The following TMED10 variants were observed in gnomAD, a reference collection of about 807,000 sequenced individuals.
TMED10 encodes transmembrane emp24 domain-containing protein 10.
TMED10 carries 7 observed loss-of-function variants against 23.1 expected under a neutral mutation model. The ratio of observed to expected loss-of-function variants is 0.30; its 90% CI spans 0.17 to 0.57. TMED10 has a LOEUF of 0.57. TMED10 is among the 20% of genes least tolerant of loss of function. TMED10 has a pLI of 0.91. For synonymous variants in TMED10, 113 were observed against 106.9 expected (o/e 1.06, Z -0.35); for missense variants, 162 against 274.8 (o/e 0.59, Z 2.90).
At chr14:75,162,099 T>C (rs1385590375) in intron 1 of TMED10, among the ~76,000 whole-genome samples, 1 of 152,094 alleles carries the variant, frequency 6.6e-6, no homozygotes, top group Admixed American at 6.5e-5. Context: ...ACCCCATCTC[T>C]ACTAAAAATA....
In TMED10 at chr14:75,156,956, G is replaced by GAAAAGAA. The variant is rs1313962678; in HGVS notation, c.226-4814_226-4813insTTCTTTT. Reference sequence around the variant, plus strand: ...GAAAAGAAAAGAAAAGAAAAGAAAAGAAAAACTATCTCAAGGAAAAACAAA... The same window carrying GAAAAGAA: ...GAAAAGAAAAGAAAAGAAAAGAAAAGAAAAGAAAAAAACTATCTCAAGGAAAAACAAA... On this transcript the variant is annotated intron_variant, in intron 1 of 4. Coordinates refer to ENST00000303575, the MANE Select transcript of TMED10 (RefSeq NM_006827.6). 3.3e-5 allele frequency among the ~76,000 whole-genome samples: 5 copies of GAAAAGAA among 151,052 alleles called. No individual in the cohort carries two copies. The South Asian group carries it at 8.4e-4, about 25-fold the overall frequency.
chr14:75,138,542 A>C (rs1331763194), intron 3 of TMED10, among the ~76,000 whole-genome samples: 4 of 152,244 alleles, frequency 2.6e-5, no homozygotes. Context: ...AACAAAAAAA[A>C]ATTCCTCAAG....
chr14:75,144,525 GGATT>G (rs1428242092), intron 3 of TMED10, among the ~76,000 whole-genome samples: 1 of 152,062 alleles, frequency 6.6e-6, no homozygotes, highest in Non-Finnish European at 1.5e-5. Context: ...AATTTCACAT[GGATT>G]AATTAATAAC....
chr14:75,143,933 C>CA (rs5809695), intron 3 of TMED10, among the ~76,000 whole-genome samples: 106,244 of 126,172 alleles, frequency 0.84, 45,783 homozygotes, highest in East Asian at 0.96. Flanking sequence ...TACTCTGTCT[C>CA]AAAAAAAAAA....
intron 3 of TMED10, among the ~76,000 whole-genome samples, chr14:75,146,406 A>G (rs2139838984): frequency 6.6e-6 from 1 of 152,346 alleles, no homozygotes; most frequent in East Asian, 1.9e-4. Flanking sequence ...ATTTTCCTAA[A>G]TCACTTAAAC....
chr14:75,147,749 A>C lies in TMED10; in HGVS notation c.338-12T>G. On this transcript the variant is annotated splice_polypyrimidine_tract_variant and intron_variant, in intron 2 of 4. Transcript: ENST00000303575. ...TATCCGCCCTGTTCCTGAGAAAGAA[A>C]TCAAAGGAATCATTGTGTGAAATAC... 2 of 1,613,984 alleles carry C rather than the reference A, an allele frequency of 1.2e-6. No individual in the cohort carries two copies. Among genetic ancestry groups the C allele is most frequent in the Non-Finnish European group, 1.7e-6 (2 of 1,179,982 alleles).
At chr14:75,171,586 T>C (rs1051564599) in intron 1 of TMED10, among the ~76,000 whole-genome samples, 5 of 152,118 alleles carry the variant, frequency 3.3e-5, no homozygotes, top group Non-Finnish European at 5.9e-5. Context: ...AGCCTGGCTT[T>C]AAAGATGGAG....
At position 75,132,014 on chromosome 14, in the gene TMED10, A is replaced by G. The variant is rs1895691390; in HGVS notation, c.*2871T>C. On this transcript the variant is annotated 3_prime_UTR_variant, in exon 5 of 5. Coordinates refer to ENST00000303575, the MANE Select transcript of TMED10 (RefSeq NM_006827.6). Reference sequence around the variant, plus strand: ...AGAGTAGCTTTCGTTGCTCCTAAAAAGGGGAAAGGCACCAGTCAGAAATAG... The same window carrying G: ...AGAGTAGCTTTCGTTGCTCCTAAAAGGGGGAAAGGCACCAGTCAGAAATAG... 1 of 152,664 alleles carries G rather than the reference A, an allele frequency of 6.6e-6. No homozygotes were observed. Among genetic ancestry groups the G allele is most frequent in the South Asian group, 2.1e-4 (1 of 4,834 alleles). The allele number at this position is 152,664 out of a possible 1,614,324, so 9.5% of individuals were successfully genotyped here.
chr14:75,149,811 G>T (rs1465998401), intron 2 of TMED10, among the ~76,000 whole-genome samples: 7 of 148,686 alleles, frequency 4.7e-5, no homozygotes, highest in Admixed American at 6.7e-5. Context: ...AGACAGTAAA[G>T]AACTTCTTTT....
At chr14:75,157,698 G>T (rs962272279) in intron 1 of TMED10, among the ~76,000 whole-genome samples, 3 of 152,056 alleles carry the variant, frequency 2.0e-5, no homozygotes, top group Non-Finnish European at 2.9e-5. Context: ...CAGCACTTTT[G>T]GGAGGCCGAG....
At position 75,166,428 on chromosome 14, in the gene TMED10, C is replaced by G. The variant is rs370986326; in HGVS notation, c.225+9927G>C. On this transcript the variant is annotated intron_variant, in intron 1 of 4. Coordinates refer to ENST00000303575, the MANE Select transcript of TMED10 (RefSeq NM_006827.6). ...AGTCAGCAATTCACACAAGAAACAG[C>G]ATAGAAGTCACTGCACCCCTACTGG... 3.5e-4 allele frequency among the ~76,000 whole-genome samples: 54 copies of G among 152,290 alleles called. No individual in the cohort carries two copies. The South Asian group carries it at 7.7e-3, about 22-fold the overall frequency.
chr14:75,167,800 A>G (rs1896183764), intron 1 of TMED10, among the ~76,000 whole-genome samples: 1 of 152,114 alleles, frequency 6.6e-6, no homozygotes, highest in Non-Finnish European at 1.5e-5. Context: ...AGCTATGATC[A>G]TGCCACTGCA....
chr14:75,146,559 A>G (rs1023460420), intron 3 of TMED10, among the ~76,000 whole-genome samples: 11 of 152,146 alleles, frequency 7.2e-5, no homozygotes, highest in African/African-American at 2.7e-4. Flanking sequence ...ATCTAGTCTT[A>G]AATAGTTCTT....
intron 1 of TMED10, among the ~76,000 whole-genome samples, chr14:75,171,383 G>C (rs1388055455): frequency 6.6e-6 from 1 of 151,746 alleles, no homozygotes; most frequent in African/African-American, 2.4e-5. Flanking sequence ...AGGTTCAAGC[G>C]ATTCCCCTGC....
chr14:75,170,919 G>C (rs955388104), intron 1 of TMED10, among the ~76,000 whole-genome samples: 14 of 152,096 alleles, frequency 9.2e-5, no homozygotes, highest in African/African-American at 3.1e-4. Context: ...TAAGTGAAAG[G>C]TTAATGGGAA....
At position 75,132,987 on chromosome 14, in the gene TMED10, A is replaced by G. The variant is rs938214648; in HGVS notation, c.*1898T>C. The G allele has an allele frequency of 3.9e-5, 6 of 152,180 alleles. No homozygotes were observed. Among genetic ancestry groups the G allele is most frequent in the African/African-American group, 1.4e-4 (6 of 41,434 alleles). The allele number at this position is 152,180 out of a possible 1,614,324, so 9.4% of individuals were successfully genotyped here. On this transcript the variant is annotated 3_prime_UTR_variant, in exon 5 of 5. Coordinates refer to ENST00000303575, the MANE Select transcript of TMED10 (RefSeq NM_006827.6). ...GTCATTTATATCCACACTTTCTCTT[A>G]TTTACATTAGTTTTGGCCCTTAGGC...
At chr14:75,168,031 T>C (rs913268335) in intron 1 of TMED10, among the ~76,000 whole-genome samples, 4 of 152,198 alleles carry the variant, frequency 2.6e-5, no homozygotes, top group African/African-American at 4.8e-5. Flanking sequence ...AAGTATGGAA[T>C]AGACTCAGTT....
chr14:75,138,181 A>C (rs1161249301), intron 3 of TMED10, among the ~76,000 whole-genome samples: 1 of 152,122 alleles, frequency 6.6e-6, no homozygotes, highest in Non-Finnish European at 1.5e-5. Flanking sequence ...ATGTTTTCTT[A>C]TTATATTCTT....
At chr14:75,153,100 T>C (rs1895974622) in intron 1 of TMED10, among the ~76,000 whole-genome samples, 1 of 152,042 alleles carries the variant, frequency 6.6e-6, no homozygotes, top group Non-Finnish European at 1.5e-5. Context: ...CCAGCCCAGA[T>C]GACAGAGTGA....
Sources: gnomAD v4.1 joint callset for allele counts (sites outside exome capture counted in the v4.1 genomes callset) on GRCh38, gnomAD v4.1.1 for gene constraint, MANE v1.5 for transcripts, NCBI Gene and HGNC (gene_info 2026-07-23, HGNC 2026-07-21) for gene names.